RBMS2: variants seen among roughly 807,000 people sequenced by gnomAD.
RBMS2 encodes RNA-binding motif, single-stranded-interacting protein 2.
A neutral mutation model predicts 58.4 loss-of-function variants in RBMS2; 38 were observed. The ratio of observed to expected loss-of-function variants is 0.65; its 90% CI spans 0.50 to 0.85. The LOEUF (loss-of-function observed/expected upper bound fraction) is 0.85, where lower values mean the gene tolerates loss of function less well. Among genes scored for constraint, RBMS2 ranks in the 40% least tolerant of loss-of-function variants. The probability of loss-of-function intolerance (pLI) is 0.00; values close to 1 mark genes in which losing one functional copy is unlikely to be tolerated. For synonymous variants in RBMS2, 151 were observed against 180.7 expected (o/e 0.84, Z 1.32); for missense variants, 367 against 503.7 (o/e 0.73, Z 2.60).
chr12:56,581,790 A>C (rs752436327), intron 7 of RBMS2, 43 bp from the exon 8 acceptor site: 4 of 1,608,404 alleles, frequency 2.5e-6, no homozygotes, highest in South Asian at 1.1e-5. Flanking sequence ...TCCTATTCTC[A>C]CTCAAGGGCT....
In RBMS2 at chr12:56,591,686, G is replaced by A. The variant is rs1885315493; in HGVS notation, c.*2553G>A. ...TTGCTATGGTAGGAGGTTTAGGAAG[G>A]GCCTTTCACGCATAGAAACCATTGT... On this transcript the variant is annotated 3_prime_UTR_variant, in exon 14 of 14. Coordinates refer to ENST00000262031, the MANE Select transcript of RBMS2 (RefSeq NM_002898.4). The A allele has an allele frequency of 6.6e-6, 1 of 151,906 alleles. No individual in the cohort carries two copies. Among genetic ancestry groups the A allele is most frequent in the South Asian group, 2.1e-4 (1 of 4,820 alleles). 9.4% of individuals were successfully genotyped at this position (151,906 alleles called of 1,614,324 possible). A position where few individuals can be genotyped will look rare whatever the true frequency, so the allele number is the denominator to read the frequency against.
intron 1 of RBMS2, among the ~76,000 whole-genome samples, chr12:56,530,485 C>T (rs146591750): frequency 6.7e-4 from 101 of 150,944 alleles, no homozygotes; most frequent in Non-Finnish European, 1.2e-3. Flanking sequence ...CTTGGCCTCC[C>T]GAGTAGCTGG....
At chr12:56,533,116 G>A (rs1874071144) in intron 1 of RBMS2, among the ~76,000 whole-genome samples, 1 of 151,238 alleles carries the variant, frequency 6.6e-6, no homozygotes, top group South Asian at 2.1e-4. Flanking sequence ...TAAATTTTTT[G>A]TGGAGACAGG....
intron 1 of RBMS2, among the ~76,000 whole-genome samples, chr12:56,533,571 A>G (rs901959118): frequency 1.3e-5 from 2 of 151,210 alleles, no homozygotes; most frequent in African/African-American, 4.9e-5. Flanking sequence ...GCATGCCACT[A>G]CACCTGGCTT....
intron 1 of RBMS2, among the ~76,000 whole-genome samples, chr12:56,529,705 GACT>G (rs1042934577): frequency 1.3e-5 from 2 of 152,196 alleles, no homozygotes; most frequent in Non-Finnish European, 2.9e-5. Flanking sequence ...AGTCATAAGA[GACT>G]ACATGTTGTA....
intron 5 of RBMS2, among the ~76,000 whole-genome samples, chr12:56,573,423 GC>G (rs2136491944): frequency 7.5e-6 from 1 of 132,664 alleles, no homozygotes; most frequent in South Asian, 2.4e-4. Context: ...GTTGCAGTAA[GC>G]CGAGATCGCG....
At chr12:56,534,251 A>AC (rs1459190537) in intron 1 of RBMS2, among the ~76,000 whole-genome samples, 6 of 152,030 alleles carry the variant, frequency 3.9e-5, no homozygotes, top group African/African-American at 1.5e-4. Context: ...CCATTCTCCT[A>AC]CCAAGGGATT....
At chr12:56,576,910 G>A (rs1883205227) in intron 5 of RBMS2, among the ~76,000 whole-genome samples, 1 of 151,266 alleles carries the variant, frequency 6.6e-6, no homozygotes, top group African/African-American at 2.4e-5. Context: ...GTGTGTTGGT[G>A]GGCACCTGTA....
intron 1 of RBMS2, among the ~76,000 whole-genome samples, chr12:56,537,747 C>T (rs762980907): frequency 9.9e-5 from 15 of 151,924 alleles, no homozygotes; most frequent in Non-Finnish European, 1.6e-4. Flanking sequence ...CATCATATGG[C>T]AAGTCTATTT....
At chr12:56,571,380 G>A (rs1882264046) in intron 4 of RBMS2, among the ~76,000 whole-genome samples, 1 of 152,290 alleles carries the variant, frequency 6.6e-6, no homozygotes, top group African/African-American at 2.4e-5. Context: ...CAGTCTGAGG[G>A]AATCCAGCCT....
chr12:56,536,699 C>T (rs574216855), intron 1 of RBMS2, among the ~76,000 whole-genome samples: 137 of 151,298 alleles, frequency 9.1e-4, no homozygotes, highest in Admixed American at 2.1e-3. Context: ...TTCCTAGTAG[C>T]TGGGACTACA....
intron 1 of RBMS2, among the ~76,000 whole-genome samples, chr12:56,531,704 T>C (rs1177963567): frequency 6.6e-6 from 1 of 151,102 alleles, no homozygotes; most frequent in Non-Finnish European, 1.5e-5. Flanking sequence ...GGTGGGCACC[T>C]GTAATCCCAG....
intron 1 of RBMS2, among the ~76,000 whole-genome samples, chr12:56,530,088 T>A (rs1467108225): frequency 6.6e-6 from 1 of 152,128 alleles, no homozygotes; most frequent in Admixed American, 6.6e-5. Flanking sequence ...AAATTTTTTT[T>A]ATAGAGACAG....
chr12:56,529,027 A>G (rs1229622533), intron 1 of RBMS2, among the ~76,000 whole-genome samples: 2 of 152,162 alleles, frequency 1.3e-5, no homozygotes, highest in African/African-American at 2.4e-5. Context: ...TTTGGAAAAC[A>G]TCTTGGCAGG....
intron 1 of RBMS2, among the ~76,000 whole-genome samples, chr12:56,555,219 GT>G (rs941864499): frequency 2.7e-5 from 4 of 150,482 alleles, no homozygotes; most frequent in Admixed American, 1.3e-4. Flanking sequence ...CTTCTGTTTT[GT>G]TTTTTTTTAA....
rs184495493 is a variant in RBMS2 at position 56,595,619 on chromosome 12, G to A, written c.*6486G>A. ...AAGTCTACGTCTTGGTGTCTTATCC[G>A]TGAGTGGGAAGTGGTAAGCTGGTGA... On this transcript the variant is annotated 3_prime_UTR_variant, in exon 14 of 14. Transcript: ENST00000262031. The A allele has an allele frequency of 3.0e-4, 46 of 150,896 alleles. No homozygotes were observed. The highest frequency in any genetic ancestry group is 1.0e-3 in the African/African-American group (41 of 41,036). 9.3% of individuals were successfully genotyped at this position (150,896 alleles called of 1,614,324 possible).
intron 1 of RBMS2, among the ~76,000 whole-genome samples, chr12:56,539,097 C>A (rs1348680017): frequency 6.6e-6 from 1 of 151,522 alleles, no homozygotes; most frequent in Non-Finnish European, 1.5e-5. Flanking sequence ...CTTACTGCAA[C>A]CTCCGCCTCC....
At chr12:56,564,821 A>C (rs1283671937) in intron 2 of RBMS2, among the ~76,000 whole-genome samples, 2 of 152,178 alleles carry the variant, frequency 1.3e-5, no homozygotes, top group African/African-American at 2.4e-5. Context: ...TAAAACTACA[A>C]AAATTAGCTG....
chr12:56,579,575 A>G (rs1414600764), intron 5 of RBMS2, among the ~76,000 whole-genome samples: 3 of 151,478 alleles, frequency 2.0e-5, no homozygotes, highest in Non-Finnish European at 4.4e-5. Context: ...CAGAGCTTGT[A>G]GTGAGCCGAG....
Sources: allele counts gnomAD v4.1 joint callset (sites outside exome capture counted in the v4.1 genomes callset), GRCh38; gene constraint gnomAD v4.1.1; transcripts MANE v1.5; gene names NCBI Gene and HGNC (gene_info 2026-07-23, HGNC 2026-07-21).